Variants in GPC5 observed in about 807,000 individuals in gnomAD.
The protein encoded by GPC5 is glypican 5.
A neutral mutation model predicts 53.9 loss-of-function variants in GPC5; 47 were observed. That is an observed-to-expected ratio of 0.87 (90% CI 0.69 to 1.11). The LOEUF is 1.11. GPC5 is among the 50% of genes most tolerant of loss of function. The pLI is 0.00. For synonymous variants in GPC5, 286 were observed against 263.3 expected, an observed-to-expected ratio of 1.09 and a Z score of -0.84; for missense variants, 748 against 713.1, an observed-to-expected ratio of 1.05 and a Z score of -0.56.
At chr13:91,692,983 G>A (rs1404909277) in intron 2 of GPC5, among the ~76,000 whole-genome samples, 1 of 152,162 alleles carries the variant, frequency 6.6e-6, no homozygotes, top group Non-Finnish European at 1.5e-5. Context: ...CTAGAAATAT[G>A]TCTGTATAAA....
chr13:91,542,791 C>T (rs916557383), intron 2 of GPC5, among the ~76,000 whole-genome samples: 3 of 151,632 alleles, frequency 2.0e-5, no homozygotes, highest in Admixed American at 6.6e-5. Flanking sequence ...TCCATCGATT[C>T]TCCTGCCTCA....
At chr13:92,843,771 T>TCATC (rs1878510259) in intron 7 of GPC5, among the ~76,000 whole-genome samples, 2 of 152,164 alleles carry the variant, frequency 1.3e-5, no homozygotes. Flanking sequence ...ACTAAATCTG[T>TCATC]CATCGATGTT....
At chr13:91,740,599 C>A (rs540665149) in intron 4 of GPC5, among the ~76,000 whole-genome samples, 1 of 152,238 alleles carries the variant, frequency 6.6e-6, no homozygotes, top group South Asian at 2.1e-4. Context: ...TAATAATGTG[C>A]ACATCAAAGA....
chr13:92,028,605 A>G (rs2040818345), intron 6 of GPC5, among the ~76,000 whole-genome samples: 1 of 152,158 alleles, frequency 6.6e-6, no homozygotes, highest in African/African-American at 2.4e-5. Context: ...TTCGGATTTC[A>G]GCCTAACGTT....
At chr13:92,369,181 T>G (rs2043630803) in intron 7 of GPC5, among the ~76,000 whole-genome samples, 1 of 152,230 alleles carries the variant, frequency 6.6e-6, no homozygotes, top group Non-Finnish European at 1.5e-5. Flanking sequence ...TAGTTTCTTT[T>G]TGTGTATGTT....
At chr13:92,258,662 G>A (rs1368826949) in intron 7 of GPC5, among the ~76,000 whole-genome samples, 1 of 152,090 alleles carries the variant, frequency 6.6e-6, no homozygotes, top group Non-Finnish European at 1.5e-5. Flanking sequence ...GTCGTTAATG[G>A]TAATTGGTAA....
At chr13:92,640,725 A>G (rs1885567847) in intron 7 of GPC5, among the ~76,000 whole-genome samples, 1 of 152,178 alleles carries the variant, frequency 6.6e-6, no homozygotes, top group African/African-American at 2.4e-5. Flanking sequence ...TGCCAAAAAG[A>G]AATAGGCAAT....
chr13:91,623,382 C>T (rs772740430), intron 2 of GPC5, among the ~76,000 whole-genome samples: 17 of 152,036 alleles, frequency 1.1e-4, no homozygotes, highest in Non-Finnish European at 1.9e-4. Context: ...GAGACCTTCT[C>T]GAGACCATGG....
At chr13:92,036,651 TC>T (rs1266685484) in intron 6 of GPC5, among the ~76,000 whole-genome samples, 1 of 152,206 alleles carries the variant, frequency 6.6e-6, no homozygotes, top group Non-Finnish European at 1.5e-5. Context: ...TGTTGACTCC[TC>T]CCTCAACATG....
intron 7 of GPC5, among the ~76,000 whole-genome samples, chr13:92,566,009 A>G: frequency 6.6e-6 from 1 of 152,210 alleles, no homozygotes; most frequent in East Asian, 1.9e-4. Flanking sequence ...GTCAACAGTC[A>G]TTTTAATAAT....
chr13:91,492,168 C>G (rs1883975784), intron 2 of GPC5, among the ~76,000 whole-genome samples: 1 of 152,144 alleles, frequency 6.6e-6, no homozygotes, highest in Non-Finnish European at 1.5e-5. Flanking sequence ...AAATTCCTGG[C>G]TCACTGCCAA....
intron 6 of GPC5, among the ~76,000 whole-genome samples, chr13:92,081,579 T>C (rs1016059581): frequency 6.6e-6 from 1 of 152,144 alleles, no homozygotes; most frequent in African/African-American, 2.4e-5. Flanking sequence ...CAGATGAGGA[T>C]GGTCTGTTCA....
At chr13:92,779,135 G>A (rs1039151262) in intron 7 of GPC5, among the ~76,000 whole-genome samples, 1 of 152,156 alleles carries the variant, frequency 6.6e-6, no homozygotes, top group African/African-American at 2.4e-5. Context: ...AATCACAGCA[G>A]AAGGAGAAAG....
chr13:92,827,992 C>T (rs1208899488), intron 7 of GPC5, among the ~76,000 whole-genome samples: 1 of 152,070 alleles, frequency 6.6e-6, no homozygotes, highest in Non-Finnish European at 1.5e-5. Flanking sequence ...TCCCCTGTTA[C>T]CTCAGGATCC....
At chr13:92,320,554 G>T (rs2043209110) in intron 7 of GPC5, among the ~76,000 whole-genome samples, 1 of 152,110 alleles carries the variant, frequency 6.6e-6, no homozygotes, top group Admixed American at 6.6e-5. Context: ...TTAGTACACA[G>T]TGTTCCCCAT....
intron 7 of GPC5, among the ~76,000 whole-genome samples, chr13:92,270,152 A>T (rs1016940853): frequency 6.6e-6 from 1 of 152,120 alleles, no homozygotes; most frequent in Non-Finnish European, 1.5e-5. Flanking sequence ...AAACTTGTTG[A>T]TTGTAGTGAG....
intron 7 of GPC5, among the ~76,000 whole-genome samples, chr13:92,670,269 A>T (rs1370562331): frequency 6.6e-6 from 1 of 152,102 alleles, no homozygotes; most frequent in South Asian, 2.1e-4. Context: ...TGCCAAGGAG[A>T]CGAGGCTTGA....
intron 7 of GPC5, among the ~76,000 whole-genome samples, chr13:92,594,817 G>T (rs1186096546): frequency 6.6e-6 from 1 of 152,170 alleles, no homozygotes; most frequent in Admixed American, 6.5e-5. Context: ...AAACACAAGA[G>T]GCCCTTAACA....
At chr13:92,650,647 C>A (rs1367392314) in intron 7 of GPC5, among the ~76,000 whole-genome samples, 1 of 151,844 alleles carries the variant, frequency 6.6e-6, no homozygotes, top group East Asian at 1.9e-4. Context: ...GAAAAGTAAA[C>A]CTGATAAATT....
Sources: gnomAD v4.1 joint callset for allele counts (sites outside exome capture counted in the v4.1 genomes callset) on GRCh38, gnomAD v4.1.1 for gene constraint, MANE v1.5 for transcripts, NCBI Gene and HGNC (gene_info 2026-07-23, HGNC 2026-07-21) for gene names.